Variants in ENTPD1 observed in about 807,000 individuals in gnomAD.
ENTPD1 encodes the protein ectonucleoside triphosphate diphosphohydrolase 1, also known as ATP diphosphohydrolase.
In ENTPD1, 33 loss-of-function variants were observed where a neutral mutation model predicts 57.0. The ratio of observed to expected loss-of-function variants is 0.58; its 90% CI spans 0.44 to 0.77. The LOEUF (loss-of-function observed/expected upper bound fraction) is 0.77. ENTPD1 is among the 30% of genes least tolerant of loss of function. The pLI, the probability that ENTPD1 is intolerant of heterozygous loss-of-function variation, is 0.00. For missense variants in ENTPD1, 501 were observed against 603.4 expected (o/e 0.83, Z 1.78); for synonymous variants, 202 against 218.8 (o/e 0.92, Z 0.68).
intron 1 of ENTPD1, among the ~76,000 whole-genome samples, chr10:95,811,413 C>G (rs897833173): frequency 2.6e-5 from 4 of 152,202 alleles, no homozygotes; most frequent in Admixed American, 1.3e-4. Context: ...ATCTTTGCCA[C>G]TTTACTCTGA....
At position 95,791,508 on chromosome 10, in the gene ENTPD1, G is replaced by A. The variant is rs1335516773; in HGVS notation, c.17-31729G>A. On this transcript the variant is annotated intron_variant, in intron 1 of 9. Coordinates refer to ENST00000371205, the MANE Select transcript of ENTPD1 (RefSeq NM_001776.6). This position sits in a 1 kb window ranked among gnomAD's most constrained non-coding sequence, Gnocchi z 4.1. ...AGCTTCGAGCTGGGATCAGAGAGTG[G>A]AAGTTAGAATGAAACAGAACTTAGG... Among the ~76,000 whole-genome samples, 1 of 152,170 alleles carries A rather than the reference G, an allele frequency of 6.6e-6. No individual in the cohort carries two copies. The highest frequency in any genetic ancestry group is 1.5e-5 in the Non-Finnish European group (1 of 68,022).
chr10:95,857,436 A>T (rs917483915), intron 7 of ENTPD1, among the ~76,000 whole-genome samples: 2 of 152,238 alleles, frequency 1.3e-5, no homozygotes, highest in Non-Finnish European at 2.9e-5. Context: ...TTTGAAATGT[A>T]ACAATTTAAG....
At chr10:95,826,974 A>G (rs2098379445) in intron 2 of ENTPD1, among the ~76,000 whole-genome samples, 1 of 152,192 alleles carries the variant, frequency 6.6e-6, no homozygotes, top group Non-Finnish European at 1.5e-5. Context: ...GGATAATCAG[A>G]TTTGGACCTT....
intron 1 of ENTPD1, among the ~76,000 whole-genome samples, chr10:95,795,438 G>T (rs947450563): frequency 7.2e-5 from 11 of 152,158 alleles, no homozygotes; most frequent in Non-Finnish European, 1.5e-5. Flanking sequence ...GGGCACAATA[G>T]GTTTAAGGTG....
rs911748399 is a variant in ENTPD1, at chr10:95,876,594, T to C, written c.*10211T>C. 4.9e-6 allele frequency: 6 copies of C among 1,230,424 alleles called. No individual in the cohort carries two copies. The African/African-American group carries it at 9.3e-5, about 19-fold the overall frequency. The allele number at this position is 1,230,424 out of a possible 1,614,324, so 76.2% of individuals were successfully genotyped here. A position where few individuals can be genotyped will look rare whatever the true frequency, so the allele number is the denominator to read the frequency against. On this transcript the variant is annotated 3_prime_UTR_variant, in exon 10 of 10. Coordinates refer to ENST00000371205, the MANE Select transcript of ENTPD1 (RefSeq NM_001776.6). ...GTCTACATGGAGAATACAGGATGAA[T>C]CCACTCTGTCTCCTGCAGTGAAGTC...
At chr10:95,834,143 G>T (rs575702311) in intron 2 of ENTPD1, among the ~76,000 whole-genome samples, 1 of 152,146 alleles carries the variant, frequency 6.6e-6, no homozygotes, top group Non-Finnish European at 1.5e-5. Context: ...GAACCATCCA[G>T]TTCCAACCCC....
the ENTPD1 span, among the ~76,000 whole-genome samples, chr10:95,697,573 G>A: frequency 2.6e-5 from 4 of 152,280 alleles, no homozygotes; most frequent in South Asian, 6.2e-4. Context: ...ATGGATTAAT[G>A]TGTTGTCATG....
intron 1 of ENTPD1, among the ~76,000 whole-genome samples, chr10:95,724,572 A>C (rs1271301866): frequency 1.3e-5 from 2 of 152,218 alleles, no homozygotes; most frequent in African/African-American, 4.8e-5. Context: ...ACTAGTGTTC[A>C]GCTCAACTAG....
At chr10:95,743,968 G>C (rs1566099558) in intron 1 of ENTPD1, among the ~76,000 whole-genome samples, 2 of 137,456 alleles carry the variant, frequency 1.5e-5, no homozygotes, top group East Asian at 4.4e-4. Flanking sequence ...TCTGCTGACA[G>C]AGCAAGAAAA....
chr10:95,792,021 G>C (rs1197714514), intron 1 of ENTPD1, among the ~76,000 whole-genome samples: 1 of 152,114 alleles, frequency 6.6e-6, no homozygotes, highest in Non-Finnish European at 1.5e-5. Context: ...AAAAGTGCCA[G>C]AGTTTACCAG....
At chr10:95,785,300 A>G (rs2098174816) in intron 1 of ENTPD1, 1 of 152,234 alleles carries the variant, frequency 6.6e-6, no homozygotes, top group African/African-American at 2.4e-5. Context: ...CCTACCTTCC[A>G]ATCATAGTTC....
intron 1 of ENTPD1, among the ~76,000 whole-genome samples, chr10:95,719,717 A>G (rs11528095): frequency 0.29 from 44,284 of 151,894 alleles, 7,018 homozygotes; most frequent in East Asian, 0.6. Context: ...TCATCCACGT[A>G]CCAAAGGACA....
intron 9 of ENTPD1, among the ~76,000 whole-genome samples, chr10:95,865,115 T>C (rs2098471858): frequency 6.6e-6 from 1 of 152,178 alleles, no homozygotes; most frequent in Non-Finnish European, 1.5e-5. Flanking sequence ...ACTAATTCCT[T>C]ACAAAACAAA....
chr10:95,742,981 C>G (rs939954084), intron 1 of ENTPD1, among the ~76,000 whole-genome samples: 1 of 152,196 alleles, frequency 6.6e-6, no homozygotes, highest in Non-Finnish European at 1.5e-5. Context: ...ACATTTGATA[C>G]AATAAATGAA....
chr10:95,721,197 A>G (rs1326196862), intron 1 of ENTPD1, among the ~76,000 whole-genome samples: 1 of 152,172 alleles, frequency 6.6e-6, no homozygotes, highest in Non-Finnish European at 1.5e-5. Flanking sequence ...CCTGTGTTAT[A>G]GTGGACATCA....
intron 1 of ENTPD1, among the ~76,000 whole-genome samples, chr10:95,820,757 A>G (rs1299623992): frequency 6.6e-6 from 1 of 152,158 alleles, no homozygotes; most frequent in Non-Finnish European, 1.5e-5. Flanking sequence ...TCTTCTTAGC[A>G]CATATTGTGA....
At chr10:95,772,835 T>G (rs1181131052) in intron 1 of ENTPD1, among the ~76,000 whole-genome samples, 2 of 152,250 alleles carry the variant, frequency 1.3e-5, no homozygotes, top group Non-Finnish European at 2.9e-5. Flanking sequence ...GCTATAGCCT[T>G]ATTAAATGTA....
the ENTPD1 span, among the ~76,000 whole-genome samples, chr10:95,705,405 A>G: frequency 6.6e-6 from 1 of 152,182 alleles, no homozygotes; most frequent in South Asian, 2.1e-4. Flanking sequence ...TCAAAAGCAA[A>G]ATGTATATAA....
At position 95,844,886 on chromosome 10, in the gene ENTPD1, A is replaced by T. The variant is rs1324820729; in HGVS notation, c.573+251A>T. The T allele has an allele frequency of 1.1e-5, 6 of 565,112 alleles. No homozygotes were observed. The Admixed American group carries it at 1.2e-4, about 11-fold the overall frequency. 35.0% of individuals were successfully genotyped at this position (565,112 alleles called of 1,614,324 possible). A position where few individuals can be genotyped will look rare whatever the true frequency, so the allele number is the denominator to read the frequency against. Reference sequence around the variant, plus strand: ...TTAGGGAGGCATAAAGGAAATTAAAAATTTATCATTAAAAATTAGAATAGC... The same window carrying T: ...TTAGGGAGGCATAAAGGAAATTAAATATTTATCATTAAAAATTAGAATAGC... On this transcript the variant is annotated intron_variant, in intron 5 of 9. Coordinates refer to ENST00000371205, the MANE Select transcript of ENTPD1 (RefSeq NM_001776.6).
Sources: allele counts gnomAD v4.1 joint callset (sites outside exome capture counted in the v4.1 genomes callset), GRCh38; gene constraint gnomAD v4.1.1; non-coding constraint Gnocchi (gnomAD v3.1); transcripts MANE v1.5; gene names NCBI Gene and HGNC (gene_info 2026-07-23, HGNC 2026-07-21).